NUP210L: variants seen among roughly 807,000 people sequenced by gnomAD.
NUP210L encodes the protein nucleoporin 210 like.
In NUP210L, 74 loss-of-function variants were observed where a neutral mutation model predicts 208.5. That is an observed-to-expected ratio of 0.35 (90% CI 0.29 to 0.43). The LOEUF (loss-of-function observed/expected upper bound fraction) is 0.43. Ranked by LOEUF, NUP210L falls within the 20% of genes least tolerant of loss-of-function variation. The pLI is 1.00. For missense variants in NUP210L, 1,843 were observed against 2,289.4 expected (o/e 0.81, Z 3.98); for synonymous variants, 780 against 816.9 (o/e 0.95, Z 0.77).
At chr1:154,052,035 C>T (rs114995905) in intron 25 of NUP210L, among the ~76,000 whole-genome samples, 3,395 of 152,298 alleles carry the variant, frequency 0.022, 76 homozygotes, top group Non-Finnish European at 0.036. Flanking sequence ...ACAGGGACTA[C>T]GGGACCCCCG....
At position 154,143,508 on chromosome 1, in the gene NUP210L, G is replaced by A; in HGVS notation, c.410C>T (p.Ala137Val). ...CGAATCATCTACATAAAGTTCCCGG[G>A]CCCGAGATACAATTTCAATGCTGTT... The change falls in exon 3 of 40, where the codon GCC (alanine) becomes GTC (valine). Residue 137 changes from alanine (A) to valine (V), a missense_variant. By Grantham distance (64) the Ala-to-Val change is moderately conservative. This residue lies in a region of NUP210L where 542 missense variants were observed against 606.4 expected (regional missense o/e 0.89). Transcript: ENST00000368559. The A allele has an allele frequency of 6.2e-7, 1 of 1,613,684 alleles. No homozygotes were observed. Among genetic ancestry groups the A allele is most frequent in the Non-Finnish European group, 8.5e-7 (1 of 1,179,760 alleles).
chr1:154,154,865 C>T, exon 1 of NUP210L: 1 of 1,614,024 alleles, frequency 6.2e-7, no homozygotes, highest in Non-Finnish European at 8.5e-7. Context: ...CCCGCTGGGC[C>T]TCCAGCAGGA....
chr1:154,081,435 T>C (rs1329392780), intron 16 of NUP210L, among the ~76,000 whole-genome samples: 3 of 152,180 alleles, frequency 2.0e-5, no homozygotes, highest in Non-Finnish European at 2.9e-5. Context: ...TCTTGAGTAA[T>C]AGGATTGTGT....
Position 154,042,806 on chromosome 1 carries a change from G to A in NUP210L, c.3696+3263C>T, listed in dbSNP as rs184304344. Among the ~76,000 whole-genome samples the A allele has an allele frequency of 2.7e-3, 405 of 150,830 alleles. 3 individuals are homozygous for A. The highest frequency in any genetic ancestry group is 9.5e-3 in the African/African-American group (391 of 40,986). On this transcript the variant is annotated intron_variant, in intron 27 of 39. Coordinates refer to ENST00000368559, the Ensembl canonical transcript of NUP210L. ...TGCAATCTCGGCTCACTGCCTCTTG[G>A]GTTCAAGGAATCCTCTTGCCTCAGC...
At chr1:154,135,117 ATTAG>A (rs952779849) in intron 7 of NUP210L, among the ~76,000 whole-genome samples, 1 of 152,196 alleles carries the variant, frequency 6.6e-6, no homozygotes, top group Non-Finnish European at 1.5e-5. Flanking sequence ...CAATAAAAAT[ATTAG>A]TTAAACATCT....
chr1:154,047,445 TCG>T (rs1653247505), intron 25 of NUP210L, among the ~76,000 whole-genome samples: 1 of 151,880 alleles, frequency 6.6e-6, no homozygotes, highest in African/African-American at 2.4e-5. Context: ...TGTGACATGT[TCG>T]TTATGGCCAT....
chr1:154,137,291 G>A (rs769604106), intron 6 of NUP210L, among the ~76,000 whole-genome samples: 2 of 152,112 alleles, frequency 1.3e-5, no homozygotes, highest in East Asian at 3.9e-4. Context: ...GATGGCTCAC[G>A]CCTGTAATCC....
At position 154,135,425 on chromosome 1, in the gene NUP210L, C is replaced by CT. The variant is rs1210397395; in HGVS notation, c.1009+388dup. ...GAAAACACTGTAGTAGTATTATAAT[C>CT]TTTTTTTTTTTTTTGAGACGGAGTC... is the stretch of plus-strand genomic sequence containing the variant. On this transcript the variant is annotated intron_variant, in intron 7 of 39. Transcript: ENST00000368559. Among the ~76,000 whole-genome samples the CT allele has an allele frequency of 6.7e-3, 971 of 144,410 alleles. 8 individuals carry two copies. Among genetic ancestry groups the CT allele is most frequent in the African/African-American group, 0.016 (653 of 39,770 alleles). The allele number at this position is 144,410 out of a possible 152,430, so 94.7% of individuals were successfully genotyped here. A position where few individuals can be genotyped will look rare whatever the true frequency, so the allele number is the denominator to read the frequency against.
chr1:154,114,736 A>G (rs1571289780), intron 12 of NUP210L, among the ~76,000 whole-genome samples: 2 of 147,818 alleles, frequency 1.4e-5, no homozygotes, highest in Admixed American at 1.3e-4. Flanking sequence ...CTAGGACTAC[A>G]GGCATGTGCC....
At position 154,128,744 on chromosome 1, in the gene NUP210L, G is replaced by A. The variant is rs576960458; in HGVS notation, c.1078+533C>T. 2.2e-4 allele frequency among the ~76,000 whole-genome samples: 33 copies of A among 152,148 alleles called. No homozygotes were observed. In the East Asian group the frequency reaches 6.0e-3, roughly 28 times the overall value. The stretch of plus-strand genomic sequence containing the variant: ...CACCTGTAGTCCCAGCTACTTGGAA[G>A]GCTAAGGTGTGAAGATTGCTTGAGC... On this transcript the variant is annotated intron_variant, in intron 8 of 39. Coordinates refer to ENST00000368559, the Ensembl canonical transcript of NUP210L.
At chr1:154,011,679 GTTTTTTTTTT>G (rs34653809) in intron 34 of NUP210L, among the ~76,000 whole-genome samples, 21 of 78,424 alleles carry the variant, frequency 2.7e-4, no homozygotes, top group Admixed American at 1.0e-3. Context: ...ATTATCTTAA[GTTTTTTTTTT>G]TTTTTTTTTT....
At chr1:154,056,712 G>A (rs1653887961) in intron 23 of NUP210L, 103 bp downstream of exon 23, 1 of 1,230,914 alleles carries the variant, frequency 8.1e-7, no homozygotes, top group Non-Finnish European at 1.1e-6. Context: ...GAGCCACTGT[G>A]CCCAGCCAGT....
intron 7 of NUP210L, among the ~76,000 whole-genome samples, chr1:154,131,891 G>A (rs1229986787): frequency 1.3e-5 from 2 of 151,962 alleles, no homozygotes; most frequent in East Asian, 1.9e-4. Context: ...TGCAACTTCT[G>A]CCTCCTAGGT....
At chr1:154,119,476 T>G (rs1472003745) in intron 10 of NUP210L, among the ~76,000 whole-genome samples, 3 of 152,094 alleles carry the variant, frequency 2.0e-5, no homozygotes, top group Non-Finnish European at 1.5e-5. Context: ...TAACTCCAGC[T>G]ACTTGGGAGG....
chr1:154,104,435 G>T, intron 12 of NUP210L: 1 of 519,716 alleles, frequency 1.9e-6, no homozygotes, highest in Non-Finnish European at 3.5e-6. Flanking sequence ...GCCACTGAAG[G>T]GGCAAGAAAA....
At chr1:154,135,676 C>T in intron 7 of NUP210L, 138 bp downstream of exon 7, 1 of 668,796 alleles carries the variant, frequency 1.5e-6, no homozygotes, top group Non-Finnish European at 2.6e-6. Context: ...CCGCCTCGGC[C>T]TCCCAAAGTG....
intron 12 of NUP210L, among the ~76,000 whole-genome samples, chr1:154,108,841 C>T (rs1656903302): frequency 6.6e-6 from 1 of 151,790 alleles, no homozygotes; most frequent in South Asian, 2.1e-4. Flanking sequence ...TGGCTCACGC[C>T]TATAATCCCA....
Position 154,120,394 on chromosome 1 carries a change from G to A in NUP210L, c.1327-1586C>T, listed in dbSNP as rs538235383. On this transcript the variant is annotated intron_variant, in intron 10 of 39. Coordinates refer to ENST00000368559, the Ensembl canonical transcript of NUP210L. The stretch of plus-strand genomic sequence containing the variant: ...TCACAAGGACAAAAAACCAAACACC[G>A]TATGCTCTCACTCATAGGTGGGAAT... Among the ~76,000 whole-genome samples the A allele has an allele frequency of 1.7e-3, 259 of 152,046 alleles. 1 individual carries two copies. The highest frequency in any genetic ancestry group is 6.0e-3 in the African/African-American group (247 of 41,492).
chr1:154,096,573 CA>C (rs1370145430), intron 14 of NUP210L, among the ~76,000 whole-genome samples: 1 of 151,756 alleles, frequency 6.6e-6, no homozygotes, highest in Non-Finnish European at 1.5e-5. Context: ...CCAGCCTGGC[CA>C]ACATGGTGAA....
Sources: allele counts gnomAD v4.1 joint callset (sites outside exome capture counted in the v4.1 genomes callset), GRCh38; gene constraint gnomAD v4.1.1; regional missense constraint gnomAD v4.1.1; transcripts MANE v1.5; gene names NCBI Gene and HGNC (gene_info 2026-07-23, HGNC 2026-07-21).